SCHIP1: variants seen among roughly 807,000 people sequenced by gnomAD.
SCHIP1 encodes the protein schwannomin-interacting protein 1.
A neutral mutation model predicts 29.7 loss-of-function variants in SCHIP1; 8 were observed. That is an observed-to-expected ratio of 0.27 (90% CI 0.16 to 0.49). The LOEUF (loss-of-function observed/expected upper bound fraction) is 0.49, where lower values mean the gene tolerates loss of function less well. SCHIP1 is among the 20% of genes least tolerant of loss of function. SCHIP1 has a pLI of 0.99. For missense variants in SCHIP1, 193 were observed against 294.6 expected, an observed-to-expected ratio of 0.66 and a Z score of 2.52; for synonymous variants, 76 against 94.9, an observed-to-expected ratio of 0.80 and a Z score of 1.16.
At chr3:159,766,604 A>G in the SCHIP1 span, among the ~76,000 whole-genome samples, 1 of 152,228 alleles carries the variant, frequency 6.6e-6, no homozygotes, top group Admixed American at 6.5e-5. Context: ...TGACATTTAT[A>G]CATTCCAGGA....
the SCHIP1 span, among the ~76,000 whole-genome samples, chr3:159,783,561 T>A: frequency 6.6e-6 from 1 of 152,204 alleles, no homozygotes; most frequent in Non-Finnish European, 1.5e-5. Flanking sequence ...TGTAGTTGAT[T>A]TGAAATATTT....
chr3:159,454,004 C>T, the SCHIP1 span, among the ~76,000 whole-genome samples: 1 of 152,190 alleles, frequency 6.6e-6, no homozygotes, highest in African/African-American at 2.4e-5. Context: ...CATGAATTTT[C>T]AGAACTTGAC....
At chr3:159,506,802 T>C in the SCHIP1 span, among the ~76,000 whole-genome samples, 2 of 152,076 alleles carry the variant, frequency 1.3e-5, no homozygotes, top group Non-Finnish European at 2.9e-5. Context: ...TTTCTGAGGG[T>C]TCTGTTCTGT....
the SCHIP1 span, among the ~76,000 whole-genome samples, chr3:159,829,620 G>A: frequency 6.6e-6 from 1 of 152,130 alleles, no homozygotes; most frequent in African/African-American, 2.4e-5. Flanking sequence ...TATCCTGCCA[G>A]GTGAAGTAGT....
the SCHIP1 span, among the ~76,000 whole-genome samples, chr3:159,296,209 T>C: frequency 2.0e-5 from 3 of 152,054 alleles, no homozygotes; most frequent in African/African-American, 7.2e-5. Flanking sequence ...ATTTCACATG[T>C]GAACATAAAA....
the SCHIP1 span, among the ~76,000 whole-genome samples, chr3:159,519,796 G>A: frequency 6.6e-6 from 1 of 151,774 alleles, no homozygotes; most frequent in Admixed American, 6.6e-5. Flanking sequence ...GTTAGGAGGA[G>A]GGTAGTGGAT....
the SCHIP1 span, among the ~76,000 whole-genome samples, chr3:159,630,727 G>A: frequency 3.9e-4 from 59 of 152,284 alleles, no homozygotes; most frequent in African/African-American, 1.4e-3. Context: ...ACAGGAAAAG[G>A]GAGGGAGGTG....
At chr3:159,371,739 T>C in the SCHIP1 span, among the ~76,000 whole-genome samples, 1 of 152,210 alleles carries the variant, frequency 6.6e-6, no homozygotes, top group African/African-American at 2.4e-5. Context: ...CCATCTAGTT[T>C]AAATCATCTG....
chr3:159,289,054 C>G, the SCHIP1 span, among the ~76,000 whole-genome samples: 2 of 152,184 alleles, frequency 1.3e-5, no homozygotes, highest in Admixed American at 1.3e-4. Context: ...ACCACCAAGT[C>G]TTGTTGACTT....
chr3:159,871,540 A>T (rs1715285253), intron 2 of SCHIP1, among the ~76,000 whole-genome samples: 1 of 152,208 alleles, frequency 6.6e-6, no homozygotes, highest in South Asian at 2.1e-4. Flanking sequence ...TTGTTGAATA[A>T]ATGAATGGTG....
chr3:159,889,054 A>T, intron 5 of SCHIP1, 111 bp downstream of exon 6: 6 of 1,366,402 alleles, frequency 4.4e-6, no homozygotes, highest in Non-Finnish European at 4.9e-6. Context: ...TTCCTGTGTG[A>T]TTGCAAGGAA....
chr3:159,581,467 C>T, the SCHIP1 span, among the ~76,000 whole-genome samples: 4 of 152,144 alleles, frequency 2.6e-5, no homozygotes, highest in Admixed American at 2.0e-4. Context: ...ATACTATGCC[C>T]ACCCGCGCCA....
chr3:159,628,336 T>C, the SCHIP1 span, among the ~76,000 whole-genome samples: 1 of 152,130 alleles, frequency 6.6e-6, no homozygotes, highest in African/African-American at 2.4e-5. Flanking sequence ...TTTGGGAAAA[T>C]AGTTAACATC....
At chr3:159,545,206 C>A in the SCHIP1 span, among the ~76,000 whole-genome samples, 1 of 151,882 alleles carries the variant, frequency 6.6e-6, no homozygotes, top group South Asian at 2.1e-4. Context: ...TACTGAGTGT[C>A]AACTTGATTA....
chr3:159,723,011 G>T, the SCHIP1 span, among the ~76,000 whole-genome samples: 1 of 152,164 alleles, frequency 6.6e-6, no homozygotes, highest in Non-Finnish European at 1.5e-5. Context: ...ACCTGCTGTG[G>T]CTGCTGAGCA....
intron 2 of SCHIP1, among the ~76,000 whole-genome samples, chr3:159,868,824 A>T (rs1714927549): frequency 6.6e-6 from 1 of 152,070 alleles, no homozygotes; most frequent in Admixed American, 6.6e-5. Flanking sequence ...TAGGAGTAGA[A>T]TTACTAGGAA....
At chr3:159,664,732 G>A in the SCHIP1 span, among the ~76,000 whole-genome samples, 3 of 152,206 alleles carry the variant, frequency 2.0e-5, no homozygotes, top group African/African-American at 7.2e-5. Context: ...AGACATTCTG[G>A]TTGGACTGAA....
the SCHIP1 span, among the ~76,000 whole-genome samples, chr3:159,472,385 A>C: frequency 6.6e-6 from 1 of 152,076 alleles, no homozygotes; most frequent in South Asian, 2.1e-4. Flanking sequence ...CACAACTTCC[A>C]TTTTGTCAAT....
chr3:159,466,722 G>A, the SCHIP1 span, among the ~76,000 whole-genome samples: 1 of 152,130 alleles, frequency 6.6e-6, no homozygotes, highest in Non-Finnish European at 1.5e-5. Flanking sequence ...TTGAACTAGA[G>A]GCTGACTGAG....
Sources: allele counts gnomAD v4.1 joint callset (sites outside exome capture counted in the v4.1 genomes callset), GRCh38; gene constraint gnomAD v4.1.1; transcripts MANE v1.5; gene names NCBI Gene and HGNC (gene_info 2026-07-23, HGNC 2026-07-21).